PPP2R5C: variants seen among roughly 807,000 people sequenced by gnomAD.
The protein encoded by PPP2R5C is serine/threonine-protein phosphatase 2A 56 kDa regulatory subunit gamma isoform.
In PPP2R5C, 7 loss-of-function variants were observed where a neutral mutation model predicts 68.9. The ratio of observed to expected loss-of-function variants is 0.10; its 90% CI spans 0.06 to 0.19. The LOEUF (loss-of-function observed/expected upper bound fraction) is 0.19, where lower values mean the gene tolerates loss of function less well. Ranked by LOEUF, PPP2R5C falls within the 10% of genes least tolerant of loss-of-function variation. The pLI is 1.00. For missense variants in PPP2R5C, 348 were observed against 641.3 expected, an observed-to-expected ratio of 0.54 and a Z score of 4.94; for synonymous variants, 210 against 222.2, an observed-to-expected ratio of 0.95 and a Z score of 0.49.
Position 101,879,167 on chromosome 14 carries a change from C to G in PPP2R5C, c.295-2994C>G, listed in dbSNP as rs1028450803. ...AAGGGTGGCTCCGAGCCCCTCTTGC[C>G]CGCCCTCCCCCGGGGCTTTGAGCAG... On this transcript the variant is annotated intron_variant, in intron 2 of 13. Coordinates refer to ENST00000334743, the Ensembl canonical transcript of PPP2R5C. The surrounding 1 kb of genome is among the most constrained non-coding windows in gnomAD (Gnocchi z 4.2). The G allele has an allele frequency of 6.6e-6, 1 of 151,012 alleles. No homozygotes were observed. 9.4% of individuals were successfully genotyped at this position (151,012 alleles called of 1,614,324 possible).
rs552141305 is a variant in PPP2R5C, at chr14:101,787,635, C to T, written c.259+1452C>T. ...AAACAAAATTAGCCAGGCGTGGTGG[C>T]GGGCGCCTGTAGTCCCAGCTACTTG... On this transcript the variant is annotated intron_variant, in intron 3 of 14. Transcript: ENST00000328724. Among the ~76,000 whole-genome samples, 68 of 151,968 alleles carry T rather than the reference C, an allele frequency of 4.5e-4. 1 individual carries two copies. The highest frequency in any genetic ancestry group is 2.0e-3 in the Admixed American group (31 of 15,274).
chr14:101,798,202 A>G (rs1198814631), intron 3 of PPP2R5C, among the ~76,000 whole-genome samples: 1 of 152,000 alleles, frequency 6.6e-6, no homozygotes, highest in South Asian at 2.1e-4. Flanking sequence ...CACTGTGCAC[A>G]TGATGCCACT....
In PPP2R5C at chr14:101,764,029, G is replaced by A. The variant is rs12431715; in HGVS notation, c.93+1059G>A. Among the ~76,000 whole-genome samples the A allele has an allele frequency of 1.4e-3, 208 of 150,806 alleles. 3 individuals are homozygous for A. Among genetic ancestry groups the A allele is most frequent in the Admixed American group, 0.012 (189 of 15,206 alleles). On this transcript the variant is annotated intron_variant, in intron 2 of 14. Coordinates refer to the PPP2R5C transcript ENST00000328724. The stretch of plus-strand genomic sequence containing the variant: ...TGTGTGTGTGTGTGTGTGTGTGTGT[G>A]GGCGCGCGCACTTGCGCGTCGGCCA...
At chr14:101,838,585 C>T (rs769044470) in intron 1 of PPP2R5C, among the ~76,000 whole-genome samples, 11 of 152,238 alleles carry the variant, frequency 7.2e-5, no homozygotes, top group Admixed American at 1.3e-4. Context: ...CCTGGCCTCA[C>T]TTCTTGTCCC....
At chr14:101,809,720 C>A (rs1268740160), upstream of PPP2R5C, 4 of 920,976 alleles carry the variant, frequency 4.3e-6, no homozygotes, top group African/African-American at 5.2e-5. Flanking sequence ...GCTTTTAAGG[C>A]ACACTGACAG....
At chr14:101,885,177 G>A (rs1391580996) in intron 5 of PPP2R5C, among the ~76,000 whole-genome samples, 1 of 152,214 alleles carries the variant, frequency 6.6e-6, no homozygotes, top group East Asian at 1.9e-4. Flanking sequence ...CCTGGAGAAG[G>A]GGCCAGGTGT....
At chr14:101,828,437 T>C (rs2040534088) in intron 1 of PPP2R5C, among the ~76,000 whole-genome samples, 1 of 152,186 alleles carries the variant, frequency 6.6e-6, no homozygotes. Flanking sequence ...TTCAGTGATA[T>C]AATGATATAT....
rs578197952 is a variant in PPP2R5C at position 101,907,446 on chromosome 14, C to T, written c.1151+917C>T. On this transcript the variant is annotated intron_variant, in intron 10 of 13. Transcript: ENST00000334743. ...TCAGCCTCCCAAAGTGCTGGGACGA[C>T]GTGAGCCACTGCGCCCAGGCCATAT... is the stretch of plus-strand genomic sequence containing the variant. Among the ~76,000 whole-genome samples, 8 of 152,258 alleles carry T rather than the reference C, an allele frequency of 5.3e-5. No homozygotes were observed. The South Asian group carries it at 8.3e-4, about 16-fold the overall frequency.
chr14:101,925,180 C>G (rs892336870), exon 14 of PPP2R5C: 1 of 1,614,118 alleles, frequency 6.2e-7, no homozygotes, highest in African/African-American at 1.3e-5. Flanking sequence ...TCTTGCACGC[C>G]GCAAGTCCGA....
chr14:101,762,767 A>G, intron 1 of PPP2R5C, 138 bp from the exon 2 acceptor site: 1 of 726,262 alleles, frequency 1.4e-6, no homozygotes, highest in East Asian at 2.7e-5. Flanking sequence ...GGTATGATAT[A>G]GAATTTCCTA....
chr14:101,796,912 T>C (rs2038638703), intron 3 of PPP2R5C: 1 of 289,198 alleles, frequency 3.5e-6, no homozygotes, highest in South Asian at 3.1e-5. Context: ...AAAAAAAAAA[T>C]TTAAAAACTG....
chr14:101,807,805 A>G (rs1228809818), upstream of PPP2R5C, among the ~76,000 whole-genome samples: 2 of 151,910 alleles, frequency 1.3e-5, no homozygotes, highest in Non-Finnish European at 2.9e-5. Flanking sequence ...TCATTAGGAA[A>G]AATACATCAA....
At position 101,797,305 on chromosome 14, in the gene PPP2R5C, C is replaced by T. The variant is rs1308955481; in HGVS notation, c.259+11122C>T. On this transcript the variant is annotated intron_variant, in intron 3 of 14. Transcript: ENST00000328724. The surrounding 1 kb of genome is among the most constrained non-coding windows in gnomAD (Gnocchi z 4.2). Reference sequence around the variant, plus strand: ...TGTGGACGGACACATTCCGCGTATCCCCCAATCAGTGGATGGACGCGTGGG... The same window carrying T: ...TGTGGACGGACACATTCCGCGTATCTCCCAATCAGTGGATGGACGCGTGGG... The T allele has an allele frequency of 2.2e-6, 1 of 455,934 alleles. No homozygotes were observed. The highest frequency in any genetic ancestry group is 2.0e-5 in the African/African-American group (1 of 50,064). 28.2% of individuals were successfully genotyped at this position (455,934 alleles called of 1,614,324 possible).
Position 101,810,014 on chromosome 14 carries a change from CG to C in PPP2R5C, c.73del (p.Val25TrpfsTer36). On this transcript the variant is annotated frameshift_variant, in exon 1 of 14. Transcript: ENST00000334743. LOFTEE classifies it high-confidence loss of function. ...CCAACTCCAATGGGCCTTTCCAGCC[CG>C]TGGTCCTTCTCCATATTCGAGGTAA... The C allele has an allele frequency of 6.2e-7, 1 of 1,613,912 alleles. No homozygotes were observed. The highest frequency in any genetic ancestry group is 8.5e-7 in the Non-Finnish European group (1 of 1,179,868).
chr14:101,927,364 C>G (rs1212474835), exon 14 of PPP2R5C: 2 of 152,630 alleles, frequency 1.3e-5, no homozygotes, highest in East Asian at 3.8e-4. Flanking sequence ...AAGAGTATTA[C>G]TTAATATTTT....
At chr14:101,853,862 G>C (rs769098203) in intron 1 of PPP2R5C, among the ~76,000 whole-genome samples, 1 of 152,134 alleles carries the variant, frequency 6.6e-6, no homozygotes, top group African/African-American at 2.4e-5. Context: ...TGTGCATAGC[G>C]TGGCTCTTAG....
At chr14:101,820,366 T>C (rs1289055113) in intron 1 of PPP2R5C, 1 of 152,178 alleles carries the variant, frequency 6.6e-6, no homozygotes, top group Non-Finnish European at 1.5e-5. Flanking sequence ...TCTTGATGTA[T>C]ACGGTGGAAG....
chr14:101,867,431 G>A (rs2043146043), intron 2 of PPP2R5C, among the ~76,000 whole-genome samples: 2 of 151,584 alleles, frequency 1.3e-5, no homozygotes, highest in African/African-American at 2.4e-5. Context: ...TAATAATTAT[G>A]TACCACATTT....
intron 3 of PPP2R5C, among the ~76,000 whole-genome samples, chr14:101,800,351 C>G (rs1204165332): frequency 6.6e-6 from 1 of 151,480 alleles, no homozygotes; most frequent in African/African-American, 2.4e-5. Flanking sequence ...CACCTGAGCT[C>G]AGGAGTTTGA....
Sources: gnomAD v4.1 joint callset for allele counts (sites outside exome capture counted in the v4.1 genomes callset) on GRCh38, gnomAD v4.1.1 for gene constraint, Gnocchi (gnomAD v3.1) non-coding constraint, MANE v1.5 for transcripts, NCBI Gene and HGNC (gene_info 2026-07-23, HGNC 2026-07-21) for gene names.